The following RCAN1 variants were observed in gnomAD, a reference collection of about 807,000 sequenced individuals.
The protein encoded by RCAN1 is regulator of calcineurin 1.
Under a neutral mutation model 22.9 loss-of-function variants are expected in RCAN1, and 11 were observed. That is an observed-to-expected ratio of 0.48 (90% CI 0.30 to 0.79). RCAN1 has a LOEUF of 0.79. Among genes scored for constraint, RCAN1 ranks in the 30% least tolerant of loss-of-function variants. RCAN1 has a pLI of 0.06. For missense variants in RCAN1, 291 were observed against 337.8 expected (o/e 0.86, Z 1.09); for synonymous variants, 136 against 142.3 (o/e 0.96, Z 0.32).
chr21:34,563,784 T>TAC lies in RCAN1; in HGVS notation c.253-40075_253-40074insGT, dbSNP rs1249389274. On this transcript the variant is annotated intron_variant, in intron 1 of 3. Coordinates refer to ENST00000313806, the MANE Select transcript of RCAN1 (RefSeq NM_004414.7). The stretch of plus-strand genomic sequence containing the variant: ...AAAAAAAAAAAAATATATATATATA[T>TAC]ATATATATATAGAGAGAGAGAGAGA... Among the ~76,000 whole-genome samples the TAC allele has an allele frequency of 3.0e-4, 32 of 105,770 alleles. 2 individuals carry two copies. In the East Asian group the frequency reaches 7.2e-3, roughly 24 times the overall value. 69.4% of individuals were successfully genotyped at this position (105,770 alleles called of 152,430 possible). A position where few individuals can be genotyped will look rare whatever the true frequency, so the allele number is the denominator to read the frequency against.
intron 1 of RCAN1, 74 bp from the exon 2 acceptor site, chr21:34,523,784 CTTT>C: frequency 4.0e-6 from 4 of 1,008,510 alleles, no homozygotes; most frequent in South Asian, 1.8e-5. Context: ...GATGTCATTA[CTTT>C]TTTTTTTTTC....
intron 1 of RCAN1, among the ~76,000 whole-genome samples, chr21:34,537,091 T>C (rs1186423256): frequency 6.6e-6 from 1 of 152,232 alleles, no homozygotes; most frequent in Non-Finnish European, 1.5e-5. Context: ...AAGCATGTCC[T>C]GTCATCTTCA....
intron 1 of RCAN1, among the ~76,000 whole-genome samples, chr21:34,585,052 G>A (rs532408204): frequency 2.6e-5 from 4 of 152,206 alleles, no homozygotes; most frequent in East Asian, 3.9e-4. Flanking sequence ...AATCATTCTT[G>A]TTTAAAACAA....
intron 1 of RCAN1, among the ~76,000 whole-genome samples, chr21:34,582,123 A>G (rs963757304): frequency 5.3e-5 from 8 of 152,162 alleles, no homozygotes; most frequent in African/African-American, 1.9e-4. Flanking sequence ...TGCCCAGCAT[A>G]ACCTTTGACA....
intron 1 of RCAN1, among the ~76,000 whole-genome samples, chr21:34,562,240 C>T (rs1986817436): frequency 6.6e-6 from 1 of 152,166 alleles, no homozygotes; most frequent in African/African-American, 2.4e-5. Flanking sequence ...CATGGAGCAC[C>T]GATTTACTCT....
Position 34,526,907 on chromosome 21 carries a change from G to C in RCAN1, c.253-3197C>G, listed in dbSNP as rs1054142254. 36 of 1,444,852 alleles carry C rather than the reference G, an allele frequency of 2.5e-5. No homozygotes were observed. In the Admixed American group the frequency reaches 3.9e-4, roughly 16 times the overall value. 89.5% of individuals were successfully genotyped at this position (1,444,852 alleles called of 1,614,324 possible). ...GGAAAAAAAAAGTGCAGCTTCCACA[G>C]CATCCTGTTTGGACAGCAAATTCCT... On this transcript the variant is annotated intron_variant, in intron 1 of 3. Transcript: ENST00000313806.
chr21:34,590,289 A>T (rs1023623406), intron 1 of RCAN1, among the ~76,000 whole-genome samples: 16 of 152,262 alleles, frequency 1.1e-4, no homozygotes, highest in South Asian at 4.1e-4. Context: ...AACTAAAAAA[A>T]TAGTATCTGT....
intron 1 of RCAN1, among the ~76,000 whole-genome samples, chr21:34,592,999 G>A (rs959928697): frequency 2.2e-4 from 33 of 152,196 alleles, no homozygotes; most frequent in African/African-American, 6.8e-4. Context: ...AGACCCATGA[G>A]GACAGTGGTT....
Position 34,605,268 on chromosome 21 carries a change from T to C in RCAN1, c.252+9492A>G, listed in dbSNP as rs117404868. 4.8e-3 allele frequency among the ~76,000 whole-genome samples: 725 copies of C among 152,336 alleles called. 24 individuals are homozygous for C. The East Asian group carries it at 0.078, about 16-fold the overall frequency. On this transcript the variant is annotated intron_variant, in intron 1 of 3. Coordinates refer to ENST00000313806, the MANE Select transcript of RCAN1 (RefSeq NM_004414.7). ...TCCATCTTTCTCCTGCGCTGGATGC[T>C]TCCTGCTCTCAAACATTAGACTCCA...
chr21:34,521,767 C>G (rs1304757953), intron 2 of RCAN1, 109 bp from the exon 3 acceptor site: 1 of 892,688 alleles, frequency 1.1e-6, no homozygotes, highest in East Asian at 2.5e-5. Flanking sequence ...GTCCAGGCGT[C>G]AGGACAGGTG....
intron 1 of RCAN1, among the ~76,000 whole-genome samples, chr21:34,546,892 GT>G (rs900712457): frequency 1.8e-4 from 27 of 152,130 alleles, no homozygotes; most frequent in African/African-American, 6.3e-4. Flanking sequence ...CTGGAAAAAA[GT>G]TTTTTTAAGT....
In RCAN1 at chr21:34,516,787, C is replaced by G. The variant is rs1480400592; in HGVS notation, c.*1297G>C. The G allele has an allele frequency of 1.3e-5, 2 of 152,310 alleles. No individual in the cohort carries two copies. The highest frequency in any genetic ancestry group is 2.9e-5 in the Non-Finnish European group (2 of 68,026). The allele number at this position is 152,310 out of a possible 1,614,324, so 9.4% of individuals were successfully genotyped here. ...CTTGGCATTAAGTATTTCAAAATGA[C>G]AAACATTGTTACGGTATTGTAAGGC... On this transcript the variant is annotated 3_prime_UTR_variant, in exon 4 of 4. Transcript: ENST00000313806.
At position 34,614,556 on chromosome 21, in the gene RCAN1, G is replaced by T. The variant is rs1218663087; in HGVS notation, c.252+204C>A. On this transcript the variant is annotated intron_variant, in intron 1 of 3. Transcript: ENST00000313806. This position sits in a 1 kb window ranked among gnomAD's most constrained non-coding sequence, Gnocchi z 6.0. The stretch of plus-strand genomic sequence containing the variant: ...TGGGACTCTGCAGTGAGCTCCGCGC[G>T]CCCCGGGGGTGCTAGGGGACCGGGA... 2.0e-6 allele frequency: 2 copies of T among 1,000,570 alleles called. No homozygotes were observed. Among genetic ancestry groups the T allele is most frequent in the Non-Finnish European group, 1.2e-6 (1 of 819,662 alleles). 62.0% of individuals were successfully genotyped at this position (1,000,570 alleles called of 1,614,324 possible). A position where few individuals can be genotyped will look rare whatever the true frequency, so the allele number is the denominator to read the frequency against.
Position 34,549,790 on chromosome 21 carries a change from C to T in RCAN1, c.253-26080G>A, listed in dbSNP as rs181622807. Among the ~76,000 whole-genome samples the T allele has an allele frequency of 2.7e-3, 414 of 152,198 alleles. 1 individual carries two copies. The highest frequency in any genetic ancestry group is 3.3e-3 in the Non-Finnish European group (223 of 68,010). On this transcript the variant is annotated intron_variant, in intron 1 of 3. Transcript: ENST00000313806. The stretch of plus-strand genomic sequence containing the variant: ...GGTTTGCCAACATTATCAGTTTATT[C>T]GTTTGTCCATCCATCATCCATCCAT...
intron 2 of RCAN1, chr21:34,522,452 G>T (rs770722846): frequency 4.6e-5 from 7 of 152,102 alleles, no homozygotes; most frequent in African/African-American, 7.2e-5. Flanking sequence ...ATCTTATCCC[G>T]TGCAGAAAGG....
chr21:34,561,830 GTCCCACA>G lies in RCAN1; in HGVS notation c.253-38127_253-38121del, dbSNP rs766218363. Among the ~76,000 whole-genome samples the G allele has an allele frequency of 4.3e-4, 65 of 152,186 alleles. 1 individual carries two copies. The highest frequency in any genetic ancestry group is 6.3e-3 in the Middle Eastern group (2 of 316). ...TGGCCCGACGTTCAGGGCCACGGTGGTCCCACAGCTGAGGACAGCTGGAGCACGCTGG... is the reference window on the plus strand; with the variant it reads ...TGGCCCGACGTTCAGGGCCACGGTGGGCTGAGGACAGCTGGAGCACGCTGG... On this transcript the variant is annotated intron_variant, in intron 1 of 3. Coordinates refer to ENST00000313806, the MANE Select transcript of RCAN1 (RefSeq NM_004414.7).
rs1199194939 is a variant in RCAN1, at chr21:34,563,770, A to AATATAT, written c.253-40066_253-40061dup. ...TAAAAATACCAAAAAAAAAAAAAAA[A>AATATAT]ATATATATATATATATATATATATA... is the stretch of plus-strand genomic sequence containing the variant. On this transcript the variant is annotated intron_variant, in intron 1 of 3. Coordinates refer to ENST00000313806, the MANE Select transcript of RCAN1 (RefSeq NM_004414.7). Among the ~76,000 whole-genome samples, 11 of 65,434 alleles carry AATATAT rather than the reference A, an allele frequency of 1.7e-4. No individual in the cohort carries two copies. In the East Asian group the frequency reaches 1.9e-3, roughly 12 times the overall value. 42.9% of individuals were successfully genotyped at this position (65,434 alleles called of 152,430 possible).
chr21:34,550,893 C>T (rs1986339891), intron 1 of RCAN1, among the ~76,000 whole-genome samples: 1 of 152,196 alleles, frequency 6.6e-6, no homozygotes, highest in Non-Finnish European at 1.5e-5. Flanking sequence ...CCTTTAGATC[C>T]ATCCAATGGA....
At chr21:34,567,393 A>AGACTCTG (rs1160013783) in intron 1 of RCAN1, among the ~76,000 whole-genome samples, 1 of 152,032 alleles carries the variant, frequency 6.6e-6, no homozygotes, top group Non-Finnish European at 1.5e-5. Flanking sequence ...GCTACTCGGG[A>AGACTCTG]GACTCTGGAA....
Sources: allele counts gnomAD v4.1 joint callset (sites outside exome capture counted in the v4.1 genomes callset), GRCh38; gene constraint gnomAD v4.1.1; non-coding constraint Gnocchi (gnomAD v3.1); transcripts MANE v1.5; gene names NCBI Gene and HGNC (gene_info 2026-07-23, HGNC 2026-07-21).